ANAPC4: variants seen among roughly 807,000 people sequenced by gnomAD.
ANAPC4 encodes anaphase-promoting complex subunit 4.
A neutral mutation model predicts 119.8 loss-of-function variants in ANAPC4; 63 were observed. The observed-to-expected ratio is 0.53, with a 90% confidence interval of 0.43 to 0.65. The LOEUF (loss-of-function observed/expected upper bound fraction) is 0.65, where lower values mean the gene tolerates loss of function less well. ANAPC4 is among the 30% of genes least tolerant of loss of function. The pLI is 0.00. For missense variants in ANAPC4, 716 were observed against 945.1 expected, an observed-to-expected ratio of 0.76 and a Z score of 3.18; for synonymous variants, 283 against 318.6, an observed-to-expected ratio of 0.89 and a Z score of 1.19.
chr4:25,378,536 G>C (rs1263351492), intron 2 of ANAPC4, among the ~76,000 whole-genome samples: 1 of 152,228 alleles, frequency 6.6e-6, no homozygotes, highest in Non-Finnish European at 1.5e-5. Flanking sequence ...CACAGAAGTA[G>C]GAGGGAAGGT....
chr4:25,394,027 C>A, intron 11 of ANAPC4, 136 bp downstream of exon 11: 1 of 749,642 alleles, frequency 1.3e-6, no homozygotes, highest in Non-Finnish European at 2.1e-6. Flanking sequence ...CTTCGTCTGA[C>A]TTCAAACTGC....
intron 4 of ANAPC4, among the ~76,000 whole-genome samples, chr4:25,387,678 A>G (rs1447846663): frequency 1.7e-5 from 2 of 120,464 alleles, no homozygotes; most frequent in African/African-American, 5.0e-5. Flanking sequence ...TTGCTAAATC[A>G]CCACTTTTTT....
intron 7 of ANAPC4, among the ~76,000 whole-genome samples, chr4:25,389,573 A>G (rs1722227328): frequency 6.6e-6 from 1 of 152,022 alleles, no homozygotes; most frequent in Admixed American, 6.6e-5. Flanking sequence ...GATTACAGGC[A>G]TGAGCCACCG....
chr4:25,390,989 G>A lies in ANAPC4; in HGVS notation c.679G>A (p.Gly227Ser). Residue 227 changes from glycine (G) to serine (S), a missense_variant, in exon 9 of 29, where the codon GGT becomes AGT. Physicochemically the swap from Gly to Ser is moderately conservative, Grantham distance 56. Around this residue, in one of 3 missense-constraint regions of ANAPC4, gnomAD observed 202 missense variants for 293.5 expected, o/e 0.69. Transcript: ENST00000315368. ...LSVVTEVSTN[G>S]ASEVSYFQLE... ...AGTGGTCACAGAAGTCTCTACCAAT[G>A]GTGCTTCAGAAGTTTCATACTTTCA... The A allele has an allele frequency of 6.2e-7, 1 of 1,613,192 alleles. No individual in the cohort carries two copies.
In ANAPC4 at chr4:25,377,276, C is replaced by G; in HGVS notation, c.-79C>G. ...GGGCGGGGCGGCCTGGAGGCTGTGG[C>G]GCGCGGCCGGCAGAGGGAGGGGAGA... On this transcript the variant is annotated 5_prime_UTR_variant, in exon 1 of 29. Transcript: ENST00000315368. The G allele has an allele frequency of 3.6e-6, 4 of 1,102,006 alleles. No homozygotes were observed. The South Asian group carries it at 6.8e-5, about 19-fold the overall frequency. The allele number at this position is 1,102,006 out of a possible 1,614,324, so 68.3% of individuals were successfully genotyped here.
intron 7 of ANAPC4, among the ~76,000 whole-genome samples, chr4:25,389,453 G>A (rs1722221619): frequency 6.6e-6 from 1 of 151,082 alleles, no homozygotes; most frequent in South Asian, 2.1e-4. Context: ...CACCGCGCCT[G>A]GCCTAATTTT....
intron 2 of ANAPC4, 93 bp downstream of exon 2, chr4:25,377,649 G>T: frequency 6.7e-7 from 1 of 1,490,680 alleles, no homozygotes; most frequent in Non-Finnish European, 8.9e-7. Flanking sequence ...GGCCACAGGC[G>T]GCCGGAGCCT....
chr4:25,404,542 A>G (rs763488771), intron 17 of ANAPC4, among the ~76,000 whole-genome samples: 2 of 152,156 alleles, frequency 1.3e-5, no homozygotes, highest in Non-Finnish European at 2.9e-5. Context: ...TACATATCCT[A>G]ACTGTAGTAA....
intron 22 of ANAPC4, chr4:25,414,033 A>G: frequency 2.1e-6 from 1 of 471,624 alleles, no homozygotes; most frequent in Non-Finnish European, 3.7e-6. Flanking sequence ...TCTTAGTTAC[A>G]GAGCTGATGT....
chr4:25,383,167 A>G lies in ANAPC4; in HGVS notation c.236-94A>G. Reference sequence around the variant, plus strand: ...TCAAAAATTGCCATGATGAAGATGCACTTAAAAGAGTAAAACTGGGCAATA... The same window carrying G: ...TCAAAAATTGCCATGATGAAGATGCGCTTAAAAGAGTAAAACTGGGCAATA... On this transcript the variant is annotated intron_variant, in intron 3 of 28. Coordinates refer to ENST00000315368, the MANE Select transcript of ANAPC4 (RefSeq NM_013367.3). 6 of 1,228,154 alleles carry G rather than the reference A, an allele frequency of 4.9e-6. No homozygotes were observed. In the South Asian group the frequency reaches 1.4e-4, roughly 29 times the overall value. The allele number at this position is 1,228,154 out of a possible 1,614,324, so 76.1% of individuals were successfully genotyped here. A position where few individuals can be genotyped will look rare whatever the true frequency, so the allele number is the denominator to read the frequency against.
Position 25,417,637 on chromosome 4 carries a change from T to A in ANAPC4, c.2097T>A (p.Ala699=). The A allele has an allele frequency of 2.5e-6, 4 of 1,612,678 alleles. No individual in the cohort carries two copies. Among genetic ancestry groups the A allele is most frequent in the Non-Finnish European group, 3.4e-6 (4 of 1,179,490 alleles). The change falls in exon 28 of 29, where the codon GCT becomes GCA. Residue 699 remains alanine (A), a synonymous_variant. Transcript: ENST00000315368. ...TTAGGCTAGATGAACAGTGTAGTGC[T>A]ATTCCCACCCGTACCATGCATTTTG... ...YSTRLDEQCS[A]IPTRTMHFEK...
chr4:25,412,571 C>G (rs2109144015), intron 21 of ANAPC4, among the ~76,000 whole-genome samples: 1 of 152,030 alleles, frequency 6.6e-6, no homozygotes, highest in South Asian at 2.1e-4. Flanking sequence ...CGAGACCTGA[C>G]CAACATAGTG....
intron 2 of ANAPC4, among the ~76,000 whole-genome samples, chr4:25,379,256 C>A (rs1334885260): frequency 6.6e-6 from 1 of 152,064 alleles, no homozygotes; most frequent in African/African-American, 2.4e-5. Flanking sequence ...AAAGCCAGGA[C>A]ATCATAGCTC....
At chr4:25,396,594 G>T in intron 14 of ANAPC4, 70 bp from the exon 15 acceptor site, 1 of 1,106,828 alleles carries the variant, frequency 9.0e-7, no homozygotes. Context: ...TGAAAATTTA[G>T]AAATATTCAG....
intron 18 of ANAPC4, 144 bp from the exon 19 acceptor site, chr4:25,406,685 C>A: frequency 1.6e-6 from 1 of 642,388 alleles, no homozygotes. Context: ...GTCGCATAAT[C>A]TATATTTCTT....
rs1221376205 is a variant in ANAPC4, at chr4:25,394,653, C to G, written c.942-18C>G. The G allele has an allele frequency of 5.7e-6, 9 of 1,579,412 alleles. No individual in the cohort carries two copies. Among genetic ancestry groups the G allele is most frequent in the Non-Finnish European group, 7.7e-6 (9 of 1,169,488 alleles). ...TCCAATAGAGAAGTGACTAAAAATA[C>G]TTTGTTTTTCATTGTAGTGCTGAAC... On this transcript the variant is annotated intron_variant, in intron 12 of 28. Transcript: ENST00000315368.
chr4:25,410,486 C>T (rs1365600306), intron 21 of ANAPC4, among the ~76,000 whole-genome samples: 3 of 152,102 alleles, frequency 2.0e-5, no homozygotes, highest in Non-Finnish European at 2.9e-5. Context: ...TTAATCCTCA[C>T]AAGATTCTAT....
At chr4:25,398,901 G>A (rs1441039300) in intron 16 of ANAPC4, among the ~76,000 whole-genome samples, 4 of 151,398 alleles carry the variant, frequency 2.6e-5, no homozygotes, top group Non-Finnish European at 4.4e-5. Context: ...TTACTGAAAG[G>A]GGGAACAAAT....
At chr4:25,413,535 C>A in intron 21 of ANAPC4, 110 bp from the exon 22 acceptor site, 130 of 650,664 alleles carry the variant, frequency 2.0e-4, no homozygotes, top group Middle Eastern at 4.9e-4. Context: ...AGTGAAAATT[C>A]TACCTCGAGA....
Sources: allele counts gnomAD v4.1 joint callset (sites outside exome capture counted in the v4.1 genomes callset), GRCh38; gene constraint gnomAD v4.1.1; regional missense constraint gnomAD v4.1.1; transcripts MANE v1.5; gene names NCBI Gene and HGNC (gene_info 2026-07-23, HGNC 2026-07-21).